Variants in PUS3 observed in about 807,000 individuals in gnomAD.
PUS3 encodes the protein pseudouridine synthase 3, also known as tRNA pseudouridine(38/39) synthase.
PUS3 carries 36 observed loss-of-function variants against 43.3 expected under a neutral mutation model. The observed-to-expected ratio is 0.83, with a 90% CI of 0.64 to 1.10. The LOEUF (loss-of-function observed/expected upper bound fraction) is 1.10. PUS3 is among the 50% of genes least tolerant of loss of function. PUS3 has a pLI of 0.00. For missense variants in PUS3, 544 were observed against 589.9 expected (o/e 0.92, Z 0.81); for synonymous variants, 183 against 199.2 (o/e 0.92, Z 0.69).
At chr11:125,901,389 T>G (rs1422436494) in intron 1 of PUS3, among the ~76,000 whole-genome samples, 1 of 152,202 alleles carries the variant, frequency 6.6e-6, no homozygotes, top group Non-Finnish European at 1.5e-5. Flanking sequence ...CCTAGCCTGT[T>G]TGGGTGCAGA....
At chr11:125,902,792 AAATTGCTGC>A in intron 1 of PUS3, among the ~76,000 whole-genome samples, 1 of 152,092 alleles carries the variant, frequency 6.6e-6, no homozygotes, top group East Asian at 1.9e-4. Flanking sequence ...AATAATTTGA[AAATTGCTGC>A]CACAGCCTCC....
chr11:125,895,485 A>C lies in PUS3; in HGVS notation c.683T>G (p.Met228Arg). 6.2e-7 allele frequency: 1 copy of C among 1,614,148 alleles called. No individual in the cohort carries two copies. The highest frequency in any genetic ancestry group is 8.5e-7 in the Non-Finnish European group (1 of 1,180,038). ...GTHDFRNLCK[M>R]DVANGVINFQ... is the part of the protein sequence containing the mutation. ...ATTAATCACACCGTTGGCTACATCC[A>C]TTTTACACAAGTTCCTGAAATCATG... Residue 228 changes from methionine to arginine, a missense_variant, in exon 3 of 4, where the codon ATG becomes AGG. Transcript: ENST00000227474.
rs765828169 is a variant in PUS3 at position 125,896,200 on chromosome 11, T to A, written c.85A>T (p.Lys29Ter). 1 of 1,614,202 alleles carries A rather than the reference T, an allele frequency of 6.2e-7. No homozygotes were observed. Among genetic ancestry groups the A allele is most frequent in the East Asian group, 2.2e-5 (1 of 44,882 alleles). ...TCCTTATTTTTGGCCTGTTCCTTTT[T>A]AAGTCTTTGCACCTCTTGCTCCAGT... ...RELEQEVQRLKKEQAKNKEDS... is the reference protein window; with the variant it reads ...RELEQEVQRL Residue 29 changes from lysine (K) to a stop codon, truncating the protein, a stop_gained, in exon 2 of 4, where the codon AAA (lysine) becomes TAA (stop). Transcript: ENST00000227474. LOFTEE classifies it high-confidence loss of function.
rs74583408 is a variant in PUS3, at chr11:125,899,335, C to A, written c.-46-3005G>T. The A allele has an allele frequency of 1.1e-5, 17 of 1,596,818 alleles. No homozygotes were observed. The African/African-American group carries it at 2.0e-4, about 19-fold the overall frequency. The stretch of plus-strand genomic sequence containing the variant: ...TTATCAGAAAACTGACCAATGTTAT[C>A]TCTTGCAGAAGGTCCTACAGTGTAG... On this transcript the variant is annotated intron_variant, in intron 1 of 3. Coordinates refer to ENST00000227474, the MANE Select transcript of PUS3 (RefSeq NM_031307.4).
rs1433226780 is a variant in PUS3, at chr11:125,893,724, T to C, written c.*61A>G. On this transcript the variant is annotated 3_prime_UTR_variant, in exon 4 of 4. Transcript: ENST00000227474. ...TAGTACTTGCAAGTAAATTTTTTTTTTTTTCCTTTTCTGTCCACCTACCAT... is the reference window on the plus strand; with the variant it reads ...TAGTACTTGCAAGTAAATTTTTTTTCTTTTCCTTTTCTGTCCACCTACCAT... 5 of 1,416,558 alleles carry C rather than the reference T, an allele frequency of 3.5e-6. No individual in the cohort carries two copies. The highest frequency in any genetic ancestry group is 1.4e-5 in the African/African-American group (1 of 69,308). The allele number at this position is 1,416,558 out of a possible 1,614,324, so 87.7% of individuals were successfully genotyped here. A position where few individuals can be genotyped will look rare whatever the true frequency, so the allele number is the denominator to read the frequency against.
Position 125,895,306 on chromosome 11 carries a change from G to T in PUS3, c.862C>A (p.Leu288Met). Residue 288 changes from leucine (L) to methionine (M), a missense_variant, in exon 3 of 4, where the codon CTG (leucine) becomes ATG (methionine). Physicochemically the swap from Leu to Met is conservative, Grantham distance 15. Transcript: ENST00000227474. ...GGCTTCTCCATTCCTTGGCCAATCA[G>T]AAAGAGGATAGCCATCATACATCGG... The part of the protein sequence containing the change: ...QVRCMMAILF[L>M]IGQGMEKPEI... The T allele has an allele frequency of 6.2e-7, 1 of 1,613,844 alleles. No homozygotes were observed. Among genetic ancestry groups the T allele is most frequent in the Non-Finnish European group, 8.5e-7 (1 of 1,179,948 alleles).
At chr11:125,896,477 T>C in intron 1 of PUS3, 147 bp from the exon 2 acceptor site, 1 of 598,228 alleles carries the variant, frequency 1.7e-6, no homozygotes, top group East Asian at 2.8e-5. Context: ...GGGTTGATCA[T>C]CCACAGATAG....
intron 1 of PUS3, among the ~76,000 whole-genome samples, chr11:125,897,981 A>G (rs1944638530): frequency 6.6e-6 from 1 of 152,210 alleles, no homozygotes; most frequent in South Asian, 2.1e-4. Flanking sequence ...ATACATTCAT[A>G]CATTGGAATT....
intron 3 of PUS3, among the ~76,000 whole-genome samples, chr11:125,894,672 C>T (rs531353446): frequency 6.6e-6 from 1 of 152,242 alleles, no homozygotes; most frequent in South Asian, 2.1e-4. Context: ...CTTGACTATT[C>T]TTTCTTTCCT....
chr11:125,894,730 A>G (rs895185233), intron 3 of PUS3, among the ~76,000 whole-genome samples: 8 of 152,224 alleles, frequency 5.3e-5, no homozygotes, highest in South Asian at 4.1e-4. Flanking sequence ...GTACAGTAGG[A>G]TGACTACTCA....
intron 3 of PUS3, among the ~76,000 whole-genome samples, chr11:125,894,721 T>C (rs1170074315): frequency 6.6e-6 from 1 of 152,218 alleles, no homozygotes; most frequent in Non-Finnish European, 1.5e-5. Flanking sequence ...AATTCAGAAG[T>C]ACAGTAGGAT....
In PUS3 at chr11:125,893,661, C is replaced by CTTT. The variant is rs199640542; in HGVS notation, c.*121_*123dup. 7 of 660,146 alleles carry CTTT rather than the reference C, an allele frequency of 1.1e-5. No individual in the cohort carries two copies. Among genetic ancestry groups the CTTT allele is most frequent in the East Asian group, 3.2e-5 (1 of 31,624 alleles). The allele number at this position is 660,146 out of a possible 1,614,324, so 40.9% of individuals were successfully genotyped here. ...CCTTAATAGGGCTTTAGTCTTTTTG[C>CTTT]TTTTTTTTTTCTTTTAAGAGCTGAT... On this transcript the variant is annotated 3_prime_UTR_variant, in exon 4 of 4. Coordinates refer to ENST00000227474, the MANE Select transcript of PUS3 (RefSeq NM_031307.4).
At chr11:125,903,090 C>A (rs1252699836) in intron 1 of PUS3, 80 bp downstream of exon 1, 8 of 682,338 alleles carry the variant, frequency 1.2e-5, no homozygotes, top group Non-Finnish European at 1.3e-5. Flanking sequence ...AGACAACAGA[C>A]AACCGTTCAG....
rs117855259 is a variant in PUS3 at position 125,893,967 on chromosome 11, C to T, written c.1264G>A (p.Gly422Arg). 866 of 1,614,132 alleles carry T rather than the reference C, an allele frequency of 5.4e-4. 10 individuals carry two copies. The East Asian group carries it at 0.018, about 33-fold the overall frequency. ...AAATGCTGGATCCGGGATTCCAGTC[C>T]TTGGCATTTAGGACGGTCCATGAGG... ...KPLMDRPKCQ[G>R]LESRIQHFVR... The change falls in exon 4 of 4, where the codon GGA (glycine) becomes AGA (arginine). Residue 422 changes from glycine to arginine, a missense_variant. By Grantham distance (125) the Gly-to-Arg change is moderately radical (BLOSUM62 -2). Coordinates refer to ENST00000227474, the MANE Select transcript of PUS3 (RefSeq NM_031307.4).
At chr11:125,897,753 T>C (rs556994796) in intron 1 of PUS3, among the ~76,000 whole-genome samples, 35 of 152,348 alleles carry the variant, frequency 2.3e-4, no homozygotes, top group African/African-American at 8.4e-4. Flanking sequence ...GCTCTATTAA[T>C]GTATGGTCAG....
At chr11:125,894,309 GT>G in intron 3 of PUS3, 23 bp from the exon 4 acceptor site, 1 of 1,560,682 alleles carries the variant, frequency 6.4e-7, no homozygotes, top group Non-Finnish European at 8.7e-7. Flanking sequence ...AGAAAAGAAA[GT>G]TTGAGAATAC....
intron 1 of PUS3, chr11:125,900,422 T>C: frequency 1.5e-6 from 1 of 677,828 alleles, no homozygotes; most frequent in East Asian, 2.8e-5. Flanking sequence ...TATATCACAT[T>C]GGTATCAGAT....
chr11:125,900,156 A>G lies in PUS3; in HGVS notation c.-47+3014T>C, dbSNP rs1446314332. The G allele has an allele frequency of 3.7e-6, 6 of 1,614,172 alleles. No individual in the cohort carries two copies. In the Admixed American group the frequency reaches 5.0e-5, roughly 13 times the overall value. ...CCTCAGCATATATATGTCCCAAACA[A>G]TTATCTAGTACCAACAGAGAAGAAA... On this transcript the variant is annotated intron_variant, in intron 1 of 3. Coordinates refer to ENST00000227474, the MANE Select transcript of PUS3 (RefSeq NM_031307.4).
intron 1 of PUS3, among the ~76,000 whole-genome samples, chr11:125,902,774 A>G (rs1944814404): frequency 6.6e-6 from 1 of 152,054 alleles, no homozygotes; most frequent in Non-Finnish European, 1.5e-5. Context: ...ATGTAAGGCA[A>G]TCCCCAAAAT....
Sources: allele counts gnomAD v4.1 joint callset (sites outside exome capture counted in the v4.1 genomes callset), GRCh38; gene constraint gnomAD v4.1.1; transcripts MANE v1.5; gene names NCBI Gene and HGNC (gene_info 2026-07-23, HGNC 2026-07-21).